Variants in SOX6 observed in about 807,000 individuals in gnomAD.
The protein encoded by SOX6 is transcription factor SOX-6.
Under a neutral mutation model 97.8 loss-of-function variants are expected in SOX6, and 11 were observed. That is an observed-to-expected ratio of 0.11 (90% CI 0.07 to 0.19). SOX6 has a LOEUF of 0.19. SOX6 is among the 10% of genes least tolerant of loss of function. The probability of loss-of-function intolerance (pLI) is 1.00; values close to 1 mark genes in which losing one functional copy is unlikely to be tolerated. For missense variants in SOX6, 810 were observed against 1,039.5 expected (o/e 0.78, Z 3.04); for synonymous variants, 360 against 371.4 (o/e 0.97, Z 0.35).
At chr11:16,511,055 C>A (rs1052430405) in intron 4 of SOX6, among the ~76,000 whole-genome samples, 1 of 152,006 alleles carries the variant, frequency 6.6e-6, no homozygotes, top group Non-Finnish European at 1.5e-5. Context: ...AACTAAGTTT[C>A]CAAGGAAATA....
At chr11:15,978,298 A>C (rs1188608778) in intron 15 of SOX6, among the ~76,000 whole-genome samples, 1 of 151,930 alleles carries the variant, frequency 6.6e-6, no homozygotes, top group Non-Finnish European at 1.5e-5. Context: ...AACCCACTTC[A>C]ATCACTCCCA....
intron 12 of SOX6, among the ~76,000 whole-genome samples, chr11:16,034,844 T>TGCA (rs1167129995): frequency 6.6e-6 from 1 of 150,924 alleles, no homozygotes; most frequent in African/African-American, 2.4e-5. Flanking sequence ...TGCAGAGAGG[T>TGCA]GCACACTGAG....
chr11:16,655,753 G>A (rs1206779022), intron 3 of SOX6, among the ~76,000 whole-genome samples: 1 of 151,956 alleles, frequency 6.6e-6, no homozygotes, highest in Admixed American at 6.5e-5. Context: ...TTTATCTCTA[G>A]GTTTTAGATG....
At chr11:16,162,999 G>A (rs1311017337) in intron 6 of SOX6, among the ~76,000 whole-genome samples, 4 of 151,780 alleles carry the variant, frequency 2.6e-5, no homozygotes, top group African/African-American at 9.7e-5. Flanking sequence ...AGAGAGTAGG[G>A]TGAATAAAGA....
intron 6 of SOX6, among the ~76,000 whole-genome samples, chr11:16,169,333 G>A (rs1195771387): frequency 6.6e-6 from 1 of 152,008 alleles, no homozygotes; most frequent in African/African-American, 2.4e-5. Context: ...TGATATAAAA[G>A]TTGCAGCACA....
At chr11:16,342,609 T>A (rs1429369278) in intron 1 of SOX6, among the ~76,000 whole-genome samples, 1 of 151,890 alleles carries the variant, frequency 6.6e-6, no homozygotes, top group Non-Finnish European at 1.5e-5. Flanking sequence ...AATATTGCAG[T>A]GAAGGAAATA....
intron 6 of SOX6, among the ~76,000 whole-genome samples, chr11:16,168,797 T>G (rs1053461276): frequency 2.6e-5 from 4 of 152,124 alleles, no homozygotes; most frequent in Admixed American, 2.6e-4. Context: ...GAAATTATGG[T>G]TTTTTTGCTA....
At chr11:16,489,081 T>C (rs1332170377) in intron 4 of SOX6, among the ~76,000 whole-genome samples, 1 of 152,266 alleles carries the variant, frequency 6.6e-6, no homozygotes, top group South Asian at 2.1e-4. Flanking sequence ...ACTATGTTCT[T>C]AGGAAAAGGA....
intron 1 of SOX6, chr11:16,402,664 T>A: frequency 6.2e-7 from 1 of 1,611,112 alleles, no homozygotes; most frequent in Non-Finnish European, 8.5e-7. Flanking sequence ...CTTACCCCAT[T>A]TTTCTTCTTT....
intron 3 of SOX6, among the ~76,000 whole-genome samples, chr11:16,267,628 T>C (rs1241226075): frequency 6.6e-6 from 1 of 151,482 alleles, no homozygotes; most frequent in Non-Finnish European, 1.5e-5. Flanking sequence ...TATGAAAAAC[T>C]GTATGCAGGT....
chr11:16,140,898 TA>T (rs1850116390), intron 6 of SOX6, among the ~76,000 whole-genome samples: 1 of 152,022 alleles, frequency 6.6e-6, no homozygotes, highest in Admixed American at 6.6e-5. Context: ...ATAACCAGAA[TA>T]AAAAATATCT....
chr11:16,539,106 G>GA (rs1217937751), intron 4 of SOX6, among the ~76,000 whole-genome samples: 1 of 152,160 alleles, frequency 6.6e-6, no homozygotes, highest in African/African-American at 2.4e-5. Context: ...TGAAAGAACA[G>GA]AAATCACAAC....
chr11:16,693,736 C>T (rs774288817), intron 3 of SOX6, among the ~76,000 whole-genome samples: 4 of 152,088 alleles, frequency 2.6e-5, no homozygotes, highest in African/African-American at 4.8e-5. Context: ...ATCATATGAA[C>T]AAATGTATTT....
intron 1 of SOX6, among the ~76,000 whole-genome samples, chr11:16,374,799 T>G (rs1406054949): frequency 6.6e-6 from 1 of 152,086 alleles, no homozygotes; most frequent in Non-Finnish European, 1.5e-5. Context: ...AAATTGTGTT[T>G]GAAAGCCAGA....
chr11:16,170,980 A>C (rs1486953324), intron 6 of SOX6, among the ~76,000 whole-genome samples: 1 of 152,020 alleles, frequency 6.6e-6, no homozygotes. Flanking sequence ...CCTTATCCAA[A>C]GTAGAGTAAG....
At chr11:16,583,626 T>C (rs113638492) in intron 4 of SOX6, among the ~76,000 whole-genome samples, 1 of 139,312 alleles carries the variant, frequency 7.2e-6, no homozygotes, top group East Asian at 2.0e-4. Flanking sequence ...TATATATATA[T>C]ATATATATAT....
chr11:16,336,732 T>C (rs1856471776), intron 2 of SOX6, among the ~76,000 whole-genome samples: 1 of 152,172 alleles, frequency 6.6e-6, no homozygotes, highest in Admixed American at 6.5e-5. Flanking sequence ...GACTCCATAA[T>C]ATCTGTAATC....
chr11:16,444,523 A>G (rs1329250337), intron 1 of SOX6, among the ~76,000 whole-genome samples: 1 of 152,196 alleles, frequency 6.6e-6, no homozygotes, highest in Non-Finnish European at 1.5e-5. Context: ...TAAAATGTTA[A>G]CCTTTACATA....
rs139830223 is a variant in SOX6, at chr11:16,455,758, T to TC, written c.-5+20556dup. Among the ~76,000 whole-genome samples the TC allele has an allele frequency of 7.3e-3, 1,111 of 152,144 alleles. 16 individuals carry two copies. Among genetic ancestry groups the TC allele is most frequent in the African/African-American group, 0.024 (995 of 41,534 alleles). On this transcript the variant is annotated intron_variant, in intron 1 of 15. Coordinates refer to the SOX6 transcript ENST00000396356. ...TTTAATACAAGAAGATACATTTATT[T>TC]CCCCCATGAAAGTAATTTTTATAAA...
Sources: allele counts gnomAD v4.1 joint callset (sites outside exome capture counted in the v4.1 genomes callset), GRCh38; gene constraint gnomAD v4.1.1; transcripts MANE v1.5; gene names NCBI Gene and HGNC (gene_info 2026-07-23, HGNC 2026-07-21).